SWT1: variants seen among roughly 807,000 people sequenced by gnomAD.
SWT1 encodes transcriptional protein SWT1.
SWT1 carries 33 observed loss-of-function variants against 107.3 expected under a neutral mutation model. The ratio of observed to expected loss-of-function variants is 0.31; its 90% CI spans 0.23 to 0.41. The LOEUF is 0.41. Among genes scored for constraint, SWT1 ranks in the 10% least tolerant of loss-of-function variants. The pLI is 1.00. For missense variants in SWT1, 898 were observed against 1,028.9 expected (o/e 0.87, Z 1.74); for synonymous variants, 345 against 348.3 (o/e 0.99, Z 0.11).
intron 10 of SWT1, among the ~76,000 whole-genome samples, chr1:185,195,265 T>C (rs1657290575): frequency 6.6e-6 from 1 of 152,198 alleles, no homozygotes; most frequent in Admixed American, 6.5e-5. Flanking sequence ...TTTCTGTTCC[T>C]GTGTTAGTTT....
chr1:185,182,477 G>T (rs1656098645), intron 7 of SWT1, among the ~76,000 whole-genome samples: 1 of 152,028 alleles, frequency 6.6e-6, no homozygotes, highest in Non-Finnish European at 1.5e-5. Context: ...AGACCAGCCT[G>T]GGCAGCATAG....
intron 4 of SWT1, among the ~76,000 whole-genome samples, chr1:185,170,917 A>C (rs1262641261): frequency 1.3e-5 from 2 of 152,184 alleles, no homozygotes; most frequent in African/African-American, 2.4e-5. Context: ...TTCCACAGGG[A>C]ATCTTAGGCA....
intron 14 of SWT1, among the ~76,000 whole-genome samples, chr1:185,221,442 A>G (rs75292029): frequency 2.0e-5 from 3 of 149,724 alleles, no homozygotes; most frequent in African/African-American, 7.4e-5. Context: ...TTATATCTTG[A>G]TTTTTTTTTT....
chr1:185,278,181 C>T (rs1198236306), intron 18 of SWT1, among the ~76,000 whole-genome samples: 1 of 152,144 alleles, frequency 6.6e-6, no homozygotes, highest in African/African-American at 2.4e-5. Context: ...TTGCTGTGGG[C>T]TAATGCTTGT....
At chr1:185,288,515 GTTC>G (rs1187406170) in intron 18 of SWT1, among the ~76,000 whole-genome samples, 2 of 152,030 alleles carry the variant, frequency 1.3e-5, no homozygotes, top group African/African-American at 4.8e-5. Context: ...TGTCCCCTCA[GTTC>G]TTCTTCCTTT....
chr1:185,197,800 A>T (rs1202728684), intron 10 of SWT1, among the ~76,000 whole-genome samples: 1 of 151,958 alleles, frequency 6.6e-6, no homozygotes, highest in African/African-American at 2.4e-5. Context: ...ATGGGTGGTG[A>T]TATCCCCTTT....
At chr1:185,276,422 AT>A (rs1178154725) in intron 17 of SWT1, among the ~76,000 whole-genome samples, 181 bp from the exon 18 acceptor site, 8 of 152,064 alleles carry the variant, frequency 5.3e-5, no homozygotes, top group Non-Finnish European at 1.0e-4. Context: ...TGGGATTCAT[AT>A]TTTTGCATAC....
chr1:185,206,532 C>T, intron 12 of SWT1, 93 bp from the exon 13 acceptor site: 1 of 680,662 alleles, frequency 1.5e-6, no homozygotes, highest in Non-Finnish European at 2.2e-6. Flanking sequence ...TTATATTTTG[C>T]TCAAAATATA....
At chr1:185,204,669 TA>T in intron 11 of SWT1, 30 bp from the exon 12 acceptor site, 1 of 1,369,906 alleles carries the variant, frequency 7.3e-7, no homozygotes, top group Non-Finnish European at 1.0e-6. Context: ...GTTAGCATTC[TA>T]AATAAAGTCT....
intron 17 of SWT1, among the ~76,000 whole-genome samples, chr1:185,275,441 T>G (rs1456022993): frequency 6.7e-6 from 1 of 148,560 alleles, no homozygotes; most frequent in African/African-American, 2.4e-5. Context: ...ATATCAAATA[T>G]TATATAATTA....
chr1:185,174,868 C>G lies in SWT1; in HGVS notation c.721C>G (p.Arg241Gly), dbSNP rs202090523. Residue 241 changes from arginine (R) to glycine (G), a missense_variant, in exon 5 of 19, where the codon CGT becomes GGT. Physicochemically the swap from Arg to Gly is moderately radical, Grantham distance 125. Coordinates refer to ENST00000367500, the MANE Select transcript of SWT1 (RefSeq NM_017673.7). ...CAGTTTCAAAATCCCTATAAAATCC[C>G]GTGACACCCTCCAGAAACTTGTAGA... ...KISFKIPIKS[R>G]DTLQKLVEEN... The G allele has an allele frequency of 1.2e-6, 2 of 1,613,874 alleles. No individual in the cohort carries two copies. Among genetic ancestry groups the G allele is most frequent in the Admixed American group, 1.7e-5 (1 of 60,006 alleles).
intron 5 of SWT1, chr1:185,177,048 A>G: frequency 1.0e-6 from 1 of 983,032 alleles, no homozygotes; most frequent in Non-Finnish European, 1.2e-6. Flanking sequence ...AAATGGAGGA[A>G]TTATAACTAA....
chr1:185,224,705 T>C (rs919183121), intron 15 of SWT1, among the ~76,000 whole-genome samples: 1 of 152,158 alleles, frequency 6.6e-6, no homozygotes, highest in African/African-American at 2.4e-5. Context: ...TTGATTAGGT[T>C]TACTTTTTTG....
intron 5 of SWT1, chr1:185,177,058 A>G: frequency 3.1e-6 from 3 of 982,626 alleles, no homozygotes; most frequent in Non-Finnish European, 3.6e-6. Flanking sequence ...ATTATAACTA[A>G]GGAGGCCAGA....
chr1:185,208,603 A>T (rs1658515374), intron 13 of SWT1, among the ~76,000 whole-genome samples: 1 of 152,222 alleles, frequency 6.6e-6, no homozygotes, highest in Non-Finnish European at 1.5e-5. Context: ...AAAACATCAC[A>T]TTGTACTCCA....
Position 185,162,910 on chromosome 1 carries a change from G to A in SWT1, c.84+1985G>A, listed in dbSNP as rs186791816. On this transcript the variant is annotated intron_variant, in intron 2 of 18. Coordinates refer to ENST00000367500, the MANE Select transcript of SWT1 (RefSeq NM_017673.7). The stretch of plus-strand genomic sequence containing the variant: ...AGGCTCAAGGGATCCTCCTGCCTGA[G>A]AATCGTGCCACTGCACATCAGCCTG... Among the ~76,000 whole-genome samples, 539 of 151,478 alleles carry A rather than the reference G, an allele frequency of 3.6e-3. 1 individual carries two copies. Among genetic ancestry groups the A allele is most frequent in the Admixed American group, 7.2e-3 (110 of 15,262 alleles).
At chr1:185,167,607 T>C (rs1654694551) in intron 3 of SWT1, among the ~76,000 whole-genome samples, 1 of 152,264 alleles carries the variant, frequency 6.6e-6, no homozygotes, top group African/African-American at 2.4e-5. Flanking sequence ...CTGAAAATCT[T>C]TACTCACTAT....
At chr1:185,206,834 G>A in intron 13 of SWT1, 71 bp downstream of exon 13, 1 of 1,098,996 alleles carries the variant, frequency 9.1e-7, no homozygotes, top group East Asian at 2.6e-5. Flanking sequence ...TTCCTGGGAT[G>A]TGAAGATAAA....
intron 16 of SWT1, among the ~76,000 whole-genome samples, chr1:185,256,909 G>A (rs1662582879): frequency 6.6e-6 from 1 of 152,104 alleles, no homozygotes; most frequent in South Asian, 2.1e-4. Context: ...CATCTTTGTG[G>A]TTTTATTTAC....
Sources: gnomAD v4.1 joint callset for allele counts (sites outside exome capture counted in the v4.1 genomes callset) on GRCh38, gnomAD v4.1.1 for gene constraint, MANE v1.5 for transcripts, NCBI Gene and HGNC (gene_info 2026-07-23, HGNC 2026-07-21) for gene names.